Variants in SLU7 observed in about 807,000 individuals in gnomAD.
The protein encoded by SLU7 is pre-mRNA-splicing factor SLU7.
In SLU7, 60 loss-of-function variants were observed where a neutral mutation model predicts 87.0. The ratio of observed to expected loss-of-function variants is 0.69; its 90% CI spans 0.56 to 0.86. The LOEUF is 0.86. Ranked by LOEUF, SLU7 falls within the 40% of genes least tolerant of loss-of-function variation. The pLI, the probability that SLU7 is intolerant of heterozygous loss-of-function variation, is 0.00. For missense variants in SLU7, 507 were observed against 686.6 expected (o/e 0.74, Z 2.92); for synonymous variants, 197 against 222.0 (o/e 0.89, Z 1.00).
At chr5:160,411,670 T>A (rs972928935) in intron 6 of SLU7, among the ~76,000 whole-genome samples, 1 of 152,180 alleles carries the variant, frequency 6.6e-6, no homozygotes, top group African/African-American at 2.4e-5. Context: ...TTTAGAAATT[T>A]AAACTAAAAA....
intron 4 of SLU7, 28 bp from the exon 5 acceptor site, chr5:160,413,648 T>C: frequency 6.3e-7 from 1 of 1,587,194 alleles, no homozygotes; most frequent in Non-Finnish European, 8.6e-7. Context: ...TTTAATCTTT[T>C]CCTAAGTTTT....
At position 160,413,754 on chromosome 5, in the gene SLU7, G is replaced by C. The variant is rs570441699; in HGVS notation, c.406-134C>G. 49 of 976,658 alleles carry C rather than the reference G, an allele frequency of 5.0e-5. No individual in the cohort carries two copies. In the African/African-American group the frequency reaches 7.3e-4, roughly 15 times the overall value. 60.5% of individuals were successfully genotyped at this position (976,658 alleles called of 1,614,324 possible). A position where few individuals can be genotyped will look rare whatever the true frequency, so the allele number is the denominator to read the frequency against. On this transcript the variant is annotated intron_variant, in intron 4 of 15. Coordinates refer to ENST00000297151, the MANE Select transcript of SLU7 (RefSeq NM_006425.5). ...AGTCTTACAGTAGAAAATTTTGTTG[G>C]TGTTGAACCAATTCCACTGAAACTA... is the stretch of plus-strand genomic sequence containing the variant.
intron 8 of SLU7, 44 bp downstream of exon 8, chr5:160,408,285 G>A (rs771862606): frequency 1.3e-6 from 2 of 1,565,734 alleles, no homozygotes; most frequent in East Asian, 4.5e-5. Flanking sequence ...ATGCTGGGAA[G>A]ACAAGTATTT....
Position 160,406,506 on chromosome 5 carries a change from A to G in SLU7, c.1249T>C (p.Ser417Pro). The change falls in exon 12 of 16, where the codon TCT (serine) becomes CCT (proline). Residue 417 changes from serine to proline, a missense_variant. Physicochemically the swap from Ser to Pro is moderately conservative, Grantham distance 74. Coordinates refer to ENST00000297151, the MANE Select transcript of SLU7 (RefSeq NM_006425.5). Reference protein sequence around the residue: ...IKGQERAVACSKYEEDVKIHN... With the variant: ...IKGQERAVACPKYEEDVKIHN... ...ATCTTCACATCCTCCTCATACTTAG[A>G]GCAGGCAACAGCCCGCTCCTGTCCT... is the stretch of plus-strand genomic sequence containing the variant. The G allele has an allele frequency of 6.2e-7, 1 of 1,613,370 alleles. No homozygotes were observed. Among genetic ancestry groups the G allele is most frequent in the Non-Finnish European group, 8.5e-7 (1 of 1,179,754 alleles).
rs1220075376 is a variant in SLU7 at position 160,403,284 on chromosome 5, G to A, written c.*1C>T. The A allele has an allele frequency of 6.3e-7, 1 of 1,589,070 alleles. No homozygotes were observed. Among genetic ancestry groups the A allele is most frequent in the Non-Finnish European group, 8.6e-7 (1 of 1,168,462 alleles). On this transcript the variant is annotated 3_prime_UTR_variant, in exon 16 of 16. Transcript: ENST00000297151. ...ATCTTGGATGGTCTTCTGACTAGTT[G>A]CTACTGTCCAAGGAAAGAGGCCATG...
chr5:160,417,384 G>A (rs1353015254), intron 1 of SLU7: 2 of 149,992 alleles, frequency 1.3e-5, no homozygotes, highest in East Asian at 4.1e-4. Flanking sequence ...TTGCAAATTT[G>A]AATTAGAAAA....
rs773481395 is a variant in SLU7, at chr5:160,407,961, T to G, written c.917+10A>C. On this transcript the variant is annotated intron_variant, in intron 9 of 15. Coordinates refer to ENST00000297151, the MANE Select transcript of SLU7 (RefSeq NM_006425.5). This position sits in a 1 kb window ranked among gnomAD's most constrained non-coding sequence, Gnocchi z 4.2. ...CATCTTAAAATCTGTACATTTAACT[T>G]GATACTTACTCATCTGGATTCTTTC... The G allele has an allele frequency of 3.8e-6, 6 of 1,588,314 alleles. No homozygotes were observed. The Admixed American group carries it at 1.0e-4, about 27-fold the overall frequency.
At chr5:160,413,709 G>A (rs1337531565) in intron 4 of SLU7, 89 bp from the exon 5 acceptor site, 16 of 1,208,210 alleles carry the variant, frequency 1.3e-5, no homozygotes, top group South Asian at 3.0e-5. Flanking sequence ...GGCACTTTAC[G>A]ATCTATTCAA....
rs1301771755 is a variant in SLU7, at chr5:160,415,285, T to C, written c.10A>G (p.Thr4Ala). 6.3e-7 allele frequency: 1 copy of C among 1,575,846 alleles called. No homozygotes were observed. Among genetic ancestry groups the C allele is most frequent in the South Asian group, 1.2e-5 (1 of 83,298 alleles). The change falls in exon 2 of 16, where the codon ACA becomes GCA. Residue 4 changes from threonine to alanine, a missense_variant. This residue lies in a region of SLU7 where 33 missense variants were observed against 37.3 expected (regional missense o/e 0.88). Coordinates refer to ENST00000297151, the MANE Select transcript of SLU7 (RefSeq NM_006425.5). ...GCAGCATTAACTGCATCTACAACTG[T>C]GGCTGACATGGTTATCTGGCCTCCT... The part of the protein sequence containing the change: MSA[T>A]VVDAVNAAPL...
At chr5:160,417,907 C>T (rs2113180214) in intron 1 of SLU7, among the ~76,000 whole-genome samples, 1 of 152,212 alleles carries the variant, frequency 6.6e-6, no homozygotes, top group South Asian at 2.1e-4. Context: ...GCCTACCTTC[C>T]AGCCTCACCA....
intron 8 of SLU7, 51 bp downstream of exon 8, chr5:160,408,278 C>G (rs148715493): frequency 3.2e-6 from 5 of 1,547,740 alleles, no homozygotes; most frequent in East Asian, 4.5e-5. Flanking sequence ...AAAATTTATG[C>G]TGGGAAGACA....
intron 2 of SLU7, among the ~76,000 whole-genome samples, chr5:160,414,753 T>C (rs769898221): frequency 1.3e-5 from 2 of 152,234 alleles, no homozygotes; most frequent in Non-Finnish European, 2.9e-5. Context: ...GTTAGTAATC[T>C]AAATCTTCTA....
intron 1 of SLU7, among the ~76,000 whole-genome samples, chr5:160,417,434 C>T (rs934377238): frequency 6.6e-6 from 1 of 152,092 alleles, no homozygotes; most frequent in Non-Finnish European, 1.5e-5. Context: ...GGGTTTTACA[C>T]TTATTTAAAC....
At chr5:160,413,083 A>G (rs969183049) in intron 5 of SLU7, among the ~76,000 whole-genome samples, 3 of 152,202 alleles carry the variant, frequency 2.0e-5, no homozygotes, top group Non-Finnish European at 4.4e-5. Flanking sequence ...ACTACTCCCA[A>G]ATGCTATGGG....
chr5:160,408,806 A>G (rs886222478), intron 6 of SLU7, 109 bp from the exon 7 acceptor site: 1 of 187,188 alleles, frequency 5.3e-6, no homozygotes, highest in Non-Finnish European at 1.2e-5. Flanking sequence ...TAATATATTT[A>G]TATAATAAAA....
chr5:160,403,205 T>A lies in SLU7; in HGVS notation c.*80A>T. On this transcript the variant is annotated 3_prime_UTR_variant, in exon 16 of 16. Coordinates refer to ENST00000297151, the MANE Select transcript of SLU7 (RefSeq NM_006425.5). The stretch of plus-strand genomic sequence containing the variant: ...GGCAGCAAGAAGAATAAACAAGGAT[T>A]TTTCTATCTACAATCATCAATAAGA... 1 of 1,131,956 alleles carries A rather than the reference T, an allele frequency of 8.8e-7. No individual in the cohort carries two copies. Among genetic ancestry groups the A allele is most frequent in the Non-Finnish European group, 1.2e-6 (1 of 816,630 alleles). 70.1% of individuals were successfully genotyped at this position (1,131,956 alleles called of 1,614,324 possible).
chr5:160,412,385 G>T, intron 6 of SLU7, 66 bp downstream of exon 6: 2 of 990,408 alleles, frequency 2.0e-6, no homozygotes, highest in Non-Finnish European at 3.1e-6. Context: ...ATGAATTCTT[G>T]TTTCAATTTT....
chr5:160,413,958 G>A lies in SLU7; in HGVS notation c.346C>T (p.Arg116Cys), dbSNP rs565652679. Residue 116 changes from arginine to cysteine, a missense_variant, in exon 4 of 16, where the codon CGC (arginine) becomes TGC (cysteine). Around this residue, in one of 6 missense-constraint regions of SLU7, gnomAD observed 155 missense variants for 154.4 expected, o/e 1.00. Transcript: ENST00000297151. ...VKENSIITKY[R>C]KGACENCGAM... ...CCACAATTTTCACATGCTCCTTTGCGGTACTTAGTAATTATGGAATTCTAT... is the reference window on the plus strand; with the variant it reads ...CCACAATTTTCACATGCTCCTTTGCAGTACTTAGTAATTATGGAATTCTAT... The A allele has an allele frequency of 1.0e-5, 16 of 1,586,484 alleles. No individual in the cohort carries two copies. The highest frequency in any genetic ancestry group is 9.4e-5 in the South Asian group (8 of 85,024).
rs373421097 is a variant in SLU7, at chr5:160,406,640, A to G, written c.1126-11T>C. 1.9e-6 allele frequency: 3 copies of G among 1,583,408 alleles called. No individual in the cohort carries two copies. The African/African-American group carries it at 4.1e-5, about 22-fold the overall frequency. On this transcript the variant is annotated splice_polypyrimidine_tract_variant and intron_variant, in intron 11 of 15. Transcript: ENST00000297151. ...TTCTTGGCCACCATACTAAAAGGAC[A>G]TTGGACATTATTCAATACATTTTAC...
Sources: gnomAD v4.1 joint callset for allele counts (sites outside exome capture counted in the v4.1 genomes callset) on GRCh38, gnomAD v4.1.1 for gene constraint, gnomAD v4.1.1 regional missense constraint, Gnocchi (gnomAD v3.1) non-coding constraint, MANE v1.5 for transcripts, NCBI Gene and HGNC (gene_info 2026-07-23, HGNC 2026-07-21) for gene names.